Variants in ATP6V1E1 observed in about 807,000 individuals in gnomAD.
ATP6V1E1 encodes the protein ATPase H+ transporting V1 subunit E1, also known as V-type proton ATPase subunit E 1.
ATP6V1E1 carries 21 observed loss-of-function variants against 35.2 expected under a neutral mutation model. The ratio of observed to expected loss-of-function variants is 0.60; its 90% CI spans 0.42 to 0.86. ATP6V1E1 has a LOEUF of 0.86. ATP6V1E1 is among the 40% of genes least tolerant of loss of function. The pLI is 0.00. For missense variants in ATP6V1E1, 183 were observed against 272.6 expected (o/e 0.67, Z 2.32); for synonymous variants, 83 against 87.8 (o/e 0.95, Z 0.30).
intron 6 of ATP6V1E1, among the ~76,000 whole-genome samples, chr22:17,599,338 A>G (rs2057749510): frequency 6.6e-6 from 1 of 151,570 alleles, no homozygotes; most frequent in Non-Finnish European, 1.5e-5. Flanking sequence ...ACACTTTGGG[A>G]GGCTGAGACA....
intron 4 of ATP6V1E1, among the ~76,000 whole-genome samples, chr22:17,609,056 G>C (rs1263100419): frequency 6.6e-6 from 1 of 152,050 alleles, no homozygotes; most frequent in Non-Finnish European, 1.5e-5. Flanking sequence ...CACTGCCACT[G>C]CACTCCAGCC....
chr22:17,601,076 T>G lies in ATP6V1E1; in HGVS notation c.366+16A>C. On this transcript the variant is annotated intron_variant, in intron 5 of 8. Transcript: ENST00000253413. ...GAACTGTGGCTATCAACAGTAGATC[T>G]GGTCTATGAGGGTACCTGGAGAACC... 1 of 1,604,998 alleles carries G rather than the reference T, an allele frequency of 6.2e-7. No individual in the cohort carries two copies. Among genetic ancestry groups the G allele is most frequent in the Non-Finnish European group, 8.5e-7 (1 of 1,174,360 alleles).
At chr22:17,610,084 T>C (rs981891357) in intron 4 of ATP6V1E1, among the ~76,000 whole-genome samples, 8 of 151,876 alleles carry the variant, frequency 5.3e-5, no homozygotes, top group African/African-American at 1.2e-4. Flanking sequence ...GACTGCACCA[T>C]TGCATTCCAG....
At chr22:17,622,115 C>T (rs1490717363) in intron 1 of ATP6V1E1, among the ~76,000 whole-genome samples, 1 of 152,158 alleles carries the variant, frequency 6.6e-6, no homozygotes, top group Non-Finnish European at 1.5e-5. Context: ...GCAATGGTAG[C>T]TTCATTTCCT....
At chr22:17,613,534 C>G (rs2057825767) in intron 2 of ATP6V1E1, among the ~76,000 whole-genome samples, 2 of 151,538 alleles carry the variant, frequency 1.3e-5, no homozygotes, top group Non-Finnish European at 1.5e-5. Context: ...AAAATTTCGT[C>G]AAGGGTAACA....
intron 7 of ATP6V1E1, chr22:17,595,058 G>GTT (rs367683453): frequency 0.067 from 10,097 of 151,552 alleles, 475 homozygotes; most frequent in African/African-American, 0.12. Context: ...GTGTCAATTT[G>GTT]TTTTGTTTTT....
intron 4 of ATP6V1E1, among the ~76,000 whole-genome samples, chr22:17,604,275 G>A (rs2057774816): frequency 6.6e-6 from 1 of 152,150 alleles, no homozygotes; most frequent in South Asian, 2.1e-4. Context: ...GGCTCCTCAT[G>A]TAGCTTTTCC....
intron 6 of ATP6V1E1, 26 bp from the exon 7 acceptor site, chr22:17,598,314 G>GT (rs2057743375): frequency 1.3e-6 from 2 of 1,547,618 alleles, no homozygotes; most frequent in African/African-American, 1.4e-5. Context: ...ACAATGAGAG[G>GT]TGTCACTAGG....
In ATP6V1E1 at chr22:17,601,118, C is replaced by G. The variant is rs1384141904; in HGVS notation, c.340G>C (p.Val114Leu). 1.2e-6 allele frequency: 2 copies of G among 1,613,602 alleles called. No homozygotes were observed. Among genetic ancestry groups the G allele is most frequent in the Admixed American group, 1.7e-5 (1 of 60,004 alleles). The stretch of plus-strand genomic sequence containing the variant: ...TGGAGAACCAGTCCATCCAGCAGCA[C>G]TTGGTACCTGGTTGTATCTTTTACC... ...KVVKDTTRYQ[V>L]LLDGLVLQGL... Residue 114 changes from valine to leucine, a missense_variant, in exon 5 of 9, where the codon GTG becomes CTG. Physicochemically the swap from Val to Leu is conservative, Grantham distance 32. Coordinates refer to ENST00000253413, the MANE Select transcript of ATP6V1E1 (RefSeq NM_001696.4).
chr22:17,625,764 T>G (rs2057900919), intron 1 of ATP6V1E1, among the ~76,000 whole-genome samples: 1 of 152,130 alleles, frequency 6.6e-6, no homozygotes, highest in Non-Finnish European at 1.5e-5. Flanking sequence ...ATGCAAGGAT[T>G]CTGATTTGTT....
chr22:17,625,686 A>G (rs747132299), intron 1 of ATP6V1E1, among the ~76,000 whole-genome samples: 2 of 152,226 alleles, frequency 1.3e-5, no homozygotes, highest in Non-Finnish European at 2.9e-5. Flanking sequence ...TCTCTAAACT[A>G]TGTGCAAATT....
chr22:17,601,357 A>C (rs1034641877), intron 4 of ATP6V1E1, among the ~76,000 whole-genome samples, 176 bp from the exon 5 acceptor site: 4 of 152,180 alleles, frequency 2.6e-5, no homozygotes, highest in African/African-American at 4.8e-5. Context: ...GGTACAAGGA[A>C]GCATGTAACA....
At position 17,597,779 on chromosome 22, in the gene ATP6V1E1, C is replaced by T. The variant is rs141205642; in HGVS notation, c.530+415G>A. On this transcript the variant is annotated intron_variant, in intron 7 of 8. Transcript: ENST00000253413. The stretch of plus-strand genomic sequence containing the variant: ...CTGGGTAGCTGGGACTACAGGCGTG[C>T]GCCACCACGCTCAGCTAATTTTTGT... Among the ~76,000 whole-genome samples the T allele has an allele frequency of 1.8e-3, 269 of 151,606 alleles. 6 individuals carry two copies. Among genetic ancestry groups the T allele is most frequent in the African/African-American group, 5.4e-3 (221 of 40,950 alleles).
At chr22:17,599,897 T>C in intron 6 of ATP6V1E1, 130 bp downstream of exon 6, 1 of 723,972 alleles carries the variant, frequency 1.4e-6, no homozygotes, top group Non-Finnish European at 2.2e-6. Context: ...TTGCACTCCA[T>C]CCTGGACAAC....
intron 4 of ATP6V1E1, among the ~76,000 whole-genome samples, chr22:17,604,526 CTT>C (rs66549570): frequency 6.9e-6 from 1 of 144,860 alleles, no homozygotes; most frequent in Non-Finnish European, 1.5e-5. Context: ...TTTGTTTTCT[CTT>C]TTTTTTTTTG....
intron 1 of ATP6V1E1, among the ~76,000 whole-genome samples, chr22:17,627,928 T>C (rs2057927361): frequency 6.7e-6 from 1 of 149,398 alleles, no homozygotes; most frequent in South Asian, 2.1e-4. Context: ...TCCTATCATA[T>C]AGCCTTAAGC....
chr22:17,616,774 C>T lies in ATP6V1E1; in HGVS notation c.99+2687G>A, dbSNP rs972166016. Among the ~76,000 whole-genome samples, 3 of 64,956 alleles carry T rather than the reference C, an allele frequency of 4.6e-5. 1 individual carries two copies. Among genetic ancestry groups the T allele is most frequent in the African/African-American group, 2.1e-4 (3 of 14,464 alleles). The allele number at this position is 64,956 out of a possible 152,430, so 42.6% of individuals were successfully genotyped here. A position where few individuals can be genotyped will look rare whatever the true frequency, so the allele number is the denominator to read the frequency against. On this transcript the variant is annotated intron_variant, in intron 2 of 8. Coordinates refer to ENST00000253413, the MANE Select transcript of ATP6V1E1 (RefSeq NM_001696.4). ...AGAAAGAGTCATACAAGAGGCCAGG[C>T]GCGGTGGCTCAAGCCTGTAATCCCA... is the stretch of plus-strand genomic sequence containing the variant.
intron 2 of ATP6V1E1, among the ~76,000 whole-genome samples, chr22:17,617,104 C>CAATA (rs889004957): frequency 1.3e-5 from 2 of 151,510 alleles, no homozygotes; most frequent in Admixed American, 6.6e-5. Flanking sequence ...CAATATTAAG[C>CAATA]AATATCCTAT....
intron 1 of ATP6V1E1, among the ~76,000 whole-genome samples, chr22:17,623,430 T>C (rs60565002): frequency 5.2e-4 from 79 of 152,290 alleles, no homozygotes; most frequent in African/African-American, 1.9e-3. Flanking sequence ...CCCAGCACTT[T>C]GGGAGGCCAA....
Sources: gnomAD v4.1 joint callset for allele counts (sites outside exome capture counted in the v4.1 genomes callset) on GRCh38, gnomAD v4.1.1 for gene constraint, MANE v1.5 for transcripts, NCBI Gene and HGNC (gene_info 2026-07-23, HGNC 2026-07-21) for gene names.